Variants in VPS13B observed in about 807,000 individuals in gnomAD.
VPS13B encodes the protein vacuolar protein sorting 13 homolog B, also known as intermembrane lipid transfer protein VPS13B.
Under a neutral mutation model 426.4 loss-of-function variants are expected in VPS13B, and 285 were observed. That is an observed-to-expected ratio of 0.67 (90% CI 0.61 to 0.74). The LOEUF is 0.74. VPS13B is among the 30% of genes least tolerant of loss of function. The probability of loss-of-function intolerance (pLI) is 0.00; values close to 1 mark genes in which losing one functional copy is unlikely to be tolerated. For synonymous variants in VPS13B, 1,676 were observed against 1,676.4 expected (o/e 1.00, Z 0.01); for missense variants, 4,537 against 4,782.6 (o/e 0.95, Z 1.51).
intron 2 of VPS13B, among the ~76,000 whole-genome samples, chr8:99,032,617 C>T (rs1842565944): frequency 6.6e-6 from 1 of 150,788 alleles, no homozygotes; most frequent in African/African-American, 2.4e-5. Context: ...GTAAGCTCCG[C>T]CTCCCGGGTT....
chr8:99,453,978 C>A (rs561248425), intron 23 of VPS13B, among the ~76,000 whole-genome samples: 2 of 152,256 alleles, frequency 1.3e-5, no homozygotes, highest in African/African-American at 4.8e-5. Context: ...TAGTATCATG[C>A]ATAATATTTT....
rs1563495224 is a variant in VPS13B, at chr8:99,828,394, G to GCTTTTTTT, written c.9331-3975_9331-3974insCTTTTTTT. 5.2e-4 allele frequency among the ~76,000 whole-genome samples: 9 copies of GCTTTTTTT among 17,446 alleles called. 1 individual carries two copies. The highest frequency in any genetic ancestry group is 2.5e-3 in the South Asian group (1 of 402). The allele number at this position is 17,446 out of a possible 152,430, so 11.4% of individuals were successfully genotyped here. A position where few individuals can be genotyped will look rare whatever the true frequency, so the allele number is the denominator to read the frequency against. ...ATCAGAGACTAGGATTACAACCACC[G>GCTTTTTTT]TTTTTTTTTTTTTTTTTTTTTTTTT... On this transcript the variant is annotated intron_variant, in intron 51 of 61. Transcript: ENST00000357162.
At chr8:99,540,158 C>G (rs1238880272) in intron 30 of VPS13B, among the ~76,000 whole-genome samples, 4 of 134,950 alleles carry the variant, frequency 3.0e-5, no homozygotes, top group Admixed American at 1.6e-4. Context: ...CGACTCACTG[C>G]AAACTCCGCC....
intron 8 of VPS13B, among the ~76,000 whole-genome samples, chr8:99,122,216 C>G (rs1486748103): frequency 2.0e-5 from 3 of 151,556 alleles, no homozygotes; most frequent in African/African-American, 7.3e-5. Context: ...TTCCTCATCT[C>G]TTTCGCTTTT....
intron 15 of VPS13B, among the ~76,000 whole-genome samples, chr8:99,168,949 C>T (rs1399064631): frequency 2.0e-5 from 3 of 151,802 alleles, no homozygotes; most frequent in Non-Finnish European, 4.4e-5. Flanking sequence ...TTGACATTGT[C>T]GATTTGATGA....
chr8:99,628,321 G>A (rs1270905584), intron 33 of VPS13B, among the ~76,000 whole-genome samples: 1 of 152,028 alleles, frequency 6.6e-6, no homozygotes, highest in Admixed American at 6.6e-5. Context: ...TTTCCTTTCA[G>A]CATTTTAAAG....
At chr8:99,261,939 GTCACTGTGAAGCTGAAC>G (rs1391789468) in intron 17 of VPS13B, among the ~76,000 whole-genome samples, 3 of 152,148 alleles carry the variant, frequency 2.0e-5, no homozygotes, top group African/African-American at 7.2e-5. Flanking sequence ...AAATCATTCT[GTCACTGTGAAGCTGAAC>G]TTTTACTTGT....
intron 35 of VPS13B, among the ~76,000 whole-genome samples, chr8:99,662,366 A>G (rs913069608): frequency 6.6e-6 from 1 of 151,744 alleles, no homozygotes; most frequent in South Asian, 2.1e-4. Flanking sequence ...TTGTTTTGTT[A>G]TTTTGTAGTT....
At chr8:99,164,548 C>T (rs908557860) in intron 15 of VPS13B, among the ~76,000 whole-genome samples, 25 of 152,180 alleles carry the variant, frequency 1.6e-4, no homozygotes, top group African/African-American at 4.8e-4. Flanking sequence ...GGATAGATTT[C>T]GTTATTTCTT....
rs549405211 is a variant in VPS13B at position 99,742,436 on chromosome 8, A to G, written c.7050+21389A>G. ...TACCATTCCTTCTGAAACTATTCCA[A>G]TCAATAGAAAAACAGAGGATCCTCC... On this transcript the variant is annotated intron_variant, in intron 39 of 61. Coordinates refer to ENST00000357162, the MANE Select transcript of VPS13B (RefSeq NM_152564.5). 1.4e-3 allele frequency among the ~76,000 whole-genome samples: 213 copies of G among 152,330 alleles called. 2 individuals carry two copies. The highest frequency in any genetic ancestry group is 2.3e-3 in the South Asian group (11 of 4,822).
chr8:99,346,964 G>T (rs1273595010), intron 19 of VPS13B: 4 of 153,124 alleles, frequency 2.6e-5, no homozygotes, highest in Non-Finnish European at 5.8e-5. Flanking sequence ...AGTTCCTCTT[G>T]TAGGAGGTGA....
intron 30 of VPS13B, chr8:99,536,877 C>CA (rs1823268994): frequency 2.1e-6 from 1 of 472,344 alleles, no homozygotes; most frequent in Non-Finnish European, 4.4e-6. Flanking sequence ...AAGAATTTTC[C>CA]AAAAACTAGG....
intron 17 of VPS13B, among the ~76,000 whole-genome samples, chr8:99,222,204 C>A (rs980203998): frequency 6.6e-6 from 1 of 152,148 alleles, no homozygotes; most frequent in African/African-American, 2.4e-5. Flanking sequence ...CTTATGAATA[C>A]TTAGAAAGAC....
chr8:99,783,330 A>G (rs533919542), intron 42 of VPS13B, among the ~76,000 whole-genome samples: 37 of 152,356 alleles, frequency 2.4e-4, no homozygotes, highest in Non-Finnish European at 3.7e-4. Context: ...CAACTGGAGA[A>G]GCATCAGTTA....
chr8:99,200,170 A>G (rs1284123617), intron 17 of VPS13B, among the ~76,000 whole-genome samples: 1 of 152,202 alleles, frequency 6.6e-6, no homozygotes, highest in Admixed American at 6.5e-5. Flanking sequence ...ACTGCATATT[A>G]GTGCATTTTT....
chr8:99,365,795 A>T (rs1221772863), intron 19 of VPS13B, among the ~76,000 whole-genome samples: 1 of 151,976 alleles, frequency 6.6e-6, no homozygotes, highest in Non-Finnish European at 1.5e-5. Flanking sequence ...AATTATAGGC[A>T]TGAGCCACCA....
intron 19 of VPS13B, among the ~76,000 whole-genome samples, chr8:99,360,188 T>TTCTTTCTTTCTTTC: frequency 3.6e-5 from 1 of 28,032 alleles, no homozygotes; most frequent in African/African-American, 1.4e-4. Context: ...CTTTCTTTCT[T>TTCTTTCTTTCTTTC]TCTCTCTCTC....
At chr8:99,687,920 G>T (rs1831487062) in intron 35 of VPS13B, among the ~76,000 whole-genome samples, 1 of 151,882 alleles carries the variant, frequency 6.6e-6, no homozygotes, top group South Asian at 2.1e-4. Flanking sequence ...GTCTTGCTCT[G>T]CCTCCCTCTT....
At chr8:99,114,056 G>T (rs1423665147) in intron 6 of VPS13B, among the ~76,000 whole-genome samples, 1 of 151,642 alleles carries the variant, frequency 6.6e-6, no homozygotes, top group Non-Finnish European at 1.5e-5. Flanking sequence ...TTACTTTGCA[G>T]TTTCTCAGAG....
Sources: gnomAD v4.1 joint callset for allele counts (sites outside exome capture counted in the v4.1 genomes callset) on GRCh38, gnomAD v4.1.1 for gene constraint, MANE v1.5 for transcripts, NCBI Gene and HGNC (gene_info 2026-07-23, HGNC 2026-07-21) for gene names.